The following HPSE2 variants were observed in gnomAD, a reference collection of about 807,000 sequenced individuals.
The protein encoded by HPSE2 is heparanase 2 (inactive).
HPSE2 carries 38 observed loss-of-function variants against 60.5 expected under a neutral mutation model. The observed-to-expected ratio is 0.63, with a 90% CI of 0.48 to 0.82. The LOEUF (loss-of-function observed/expected upper bound fraction) is 0.82. Among genes scored for constraint, HPSE2 ranks in the 40% least tolerant of loss-of-function variants. HPSE2 has a pLI of 0.00. For synonymous variants in HPSE2, 295 were observed against 293.2 expected, an observed-to-expected ratio of 1.01 and a Z score of -0.06; for missense variants, 713 against 740.4, an observed-to-expected ratio of 0.96 and a Z score of 0.43.
At chr10:99,036,900 T>C (rs1268571005) in intron 3 of HPSE2, among the ~76,000 whole-genome samples, 1 of 152,174 alleles carries the variant, frequency 6.6e-6, no homozygotes, top group Non-Finnish European at 1.5e-5. Context: ...TGTTTGCTTC[T>C]AATGAATAGT....
intron 3 of HPSE2, among the ~76,000 whole-genome samples, chr10:99,092,305 AAAT>A: frequency 6.6e-6 from 1 of 152,286 alleles, no homozygotes; most frequent in Non-Finnish European, 1.5e-5. Context: ...AATGCGTACT[AAAT>A]AATAAGAGTT....
chr10:98,924,215 C>T (rs1388678441), intron 3 of HPSE2, among the ~76,000 whole-genome samples: 1 of 152,210 alleles, frequency 6.6e-6, no homozygotes, highest in Admixed American at 6.5e-5. Context: ...TTCCCCAAAA[C>T]ACATGGAGTC....
chr10:98,531,152 A>T (rs920965694), intron 9 of HPSE2, among the ~76,000 whole-genome samples: 1 of 152,212 alleles, frequency 6.6e-6, no homozygotes, highest in East Asian at 1.9e-4. Flanking sequence ...ACCATAGAAG[A>T]TCAAAAGCAA....
the HPSE2 span, among the ~76,000 whole-genome samples, chr10:99,286,743 A>G: frequency 1.3e-5 from 2 of 152,204 alleles, no homozygotes; most frequent in Admixed American, 6.5e-5. Context: ...TTAATGTGTT[A>G]AAAAACAAAA....
At chr10:99,250,588 C>T in the HPSE2 span, among the ~76,000 whole-genome samples, 40 of 152,078 alleles carry the variant, frequency 2.6e-4, no homozygotes, top group African/African-American at 8.9e-4. Flanking sequence ...ACTGCAAGGT[C>T]GACCACGTGC....
chr10:98,995,797 C>T (rs1434373076), intron 3 of HPSE2, among the ~76,000 whole-genome samples: 1 of 151,832 alleles, frequency 6.6e-6, no homozygotes. Context: ...CAAAAGAAAA[C>T]CAGGCAAGAC....
chr10:98,767,173 C>T (rs1453806756), intron 3 of HPSE2, among the ~76,000 whole-genome samples: 1 of 152,094 alleles, frequency 6.6e-6, no homozygotes, highest in Non-Finnish European at 1.5e-5. Context: ...TGTTTTCTCT[C>T]TCCAGAGAAG....
intron 7 of HPSE2, among the ~76,000 whole-genome samples, chr10:98,626,054 C>T (rs1946199939): frequency 6.8e-6 from 1 of 147,816 alleles, no homozygotes; most frequent in African/African-American, 2.5e-5. Context: ...TGCAGTGAGC[C>T]GAGATCGCAC....
At chr10:99,264,607 A>C in the HPSE2 span, among the ~76,000 whole-genome samples, 2 of 152,212 alleles carry the variant, frequency 1.3e-5, no homozygotes, top group South Asian at 2.1e-4. Context: ...AACCAAGCAA[A>C]TAATTACATT....
In HPSE2 at chr10:98,475,681, T is replaced by A. The variant is rs990718403; in HGVS notation, c.1613+6955A>T. Among the ~76,000 whole-genome samples the A allele has an allele frequency of 2.0e-5, 3 of 151,186 alleles. No homozygotes were observed. In the East Asian group the frequency reaches 5.8e-4, roughly 29 times the overall value. ...GATATAGATTTTTATATACCTCAAA[T>A]TAAACAAATCTAGAGTCATTGCTGG... On this transcript the variant is annotated intron_variant, in intron 11 of 11. Transcript: ENST00000370552.
At chr10:98,694,742 A>G (rs904923003) in intron 5 of HPSE2, among the ~76,000 whole-genome samples, 2 of 152,154 alleles carry the variant, frequency 1.3e-5, no homozygotes, top group East Asian at 3.9e-4. Flanking sequence ...GAATAACTCA[A>G]TTACCTATCT....
chr10:98,678,818 TAG>T (rs1947711789), intron 6 of HPSE2, among the ~76,000 whole-genome samples: 1 of 151,960 alleles, frequency 6.6e-6, no homozygotes, highest in Non-Finnish European at 1.5e-5. Context: ...AAAATAATCC[TAG>T]AGAGAGAAAA....
At chr10:98,805,368 A>G (rs1358673234) in intron 3 of HPSE2, among the ~76,000 whole-genome samples, 3 of 152,172 alleles carry the variant, frequency 2.0e-5, no homozygotes, top group Non-Finnish European at 2.9e-5. Flanking sequence ...AATAGCTAAA[A>G]GAGTATAATT....
chr10:99,079,552 G>A (rs535995309), intron 3 of HPSE2, among the ~76,000 whole-genome samples: 1 of 152,098 alleles, frequency 6.6e-6, no homozygotes, highest in African/African-American at 2.4e-5. Context: ...AGCTGGGATT[G>A]GGGGTTATGG....
At chr10:98,998,912 C>T (rs1354659738) in intron 3 of HPSE2, among the ~76,000 whole-genome samples, 1 of 152,176 alleles carries the variant, frequency 6.6e-6, no homozygotes, top group African/African-American at 2.4e-5. Flanking sequence ...TTATTATTCC[C>T]CTTCAATTCT....
chr10:98,989,595 A>G (rs759284155), intron 3 of HPSE2, among the ~76,000 whole-genome samples: 1 of 151,834 alleles, frequency 6.6e-6, no homozygotes, highest in Non-Finnish European at 1.5e-5. Context: ...ATGTATACAT[A>G]TGTAACAAAC....
chr10:98,665,286 G>A (rs1042179105), intron 6 of HPSE2, among the ~76,000 whole-genome samples: 1 of 152,144 alleles, frequency 6.6e-6, no homozygotes, highest in Admixed American at 6.5e-5. Context: ...ACAGGATAAT[G>A]TAAAGAGACA....
intron 5 of HPSE2, among the ~76,000 whole-genome samples, chr10:98,718,839 TTAGA>T (rs1439832270): frequency 6.6e-6 from 1 of 151,740 alleles, no homozygotes; most frequent in Non-Finnish European, 1.5e-5. Context: ...AAAAACACAG[TTAGA>T]TAGAAGGAAT....
chr10:98,937,551 C>A (rs1378051001), intron 3 of HPSE2, among the ~76,000 whole-genome samples: 1 of 144,302 alleles, frequency 6.9e-6, no homozygotes, highest in Non-Finnish European at 1.5e-5. Flanking sequence ...CCCACCATTG[C>A]CCAGGCTTTC....
Sources: gnomAD v4.1 joint callset for allele counts (sites outside exome capture counted in the v4.1 genomes callset) on GRCh38, gnomAD v4.1.1 for gene constraint, MANE v1.5 for transcripts, NCBI Gene and HGNC (gene_info 2026-07-23, HGNC 2026-07-21) for gene names.